The following CDK8 variants were observed in gnomAD, a reference collection of about 807,000 sequenced individuals.
CDK8 encodes the protein cyclin-dependent kinase 8.
In CDK8, 29 loss-of-function variants were observed where a neutral mutation model predicts 71.5. The observed-to-expected ratio is 0.41, with a 90% CI of 0.30 to 0.55. The LOEUF is 0.55. Among genes scored for constraint, CDK8 ranks in the 20% least tolerant of loss-of-function variants. The pLI, the probability that CDK8 is intolerant of heterozygous loss-of-function variation, is 0.37. For missense variants in CDK8, 288 were observed against 572.6 expected (o/e 0.50, Z 5.07); for synonymous variants, 161 against 192.1 (o/e 0.84, Z 1.34).
In CDK8 at chr13:26,403,999, C is replaced by T; in HGVS notation, c.1313C>T (p.Thr438Ile). 2 of 1,613,900 alleles carry T rather than the reference C, an allele frequency of 1.2e-6. No homozygotes were observed. The highest frequency in any genetic ancestry group is 1.7e-6 in the Non-Finnish European group (2 of 1,180,016). The change falls in exon 13 of 13, where the codon ACA becomes ATA. Residue 438 changes from threonine to isoleucine, a missense_variant. Physicochemically the swap from Thr to Ile is moderately conservative, Grantham distance 89. Around this residue, in one of 6 missense-constraint regions of CDK8, gnomAD observed 76 missense variants for 99.7 expected, o/e 0.76. Coordinates refer to ENST00000381527, the MANE Select transcript of CDK8 (RefSeq NM_001260.3). The stretch of plus-strand genomic sequence containing the variant: ...GCCTATCCCAACCCTGGACCAAGCA[C>T]ATCACAGCCGCAGAGCAGCATGGGA... ...HAAYPNPGPS[T>I]SQPQSSMGYS...
intron 1 of CDK8, among the ~76,000 whole-genome samples, chr13:26,258,836 AC>A (rs1871644805): frequency 6.6e-6 from 1 of 152,038 alleles, no homozygotes; most frequent in East Asian, 1.9e-4. Flanking sequence ...TCATGCTTTA[AC>A]GTTGGTTCTC....
At chr13:26,351,425 G>A (rs1873676082) in intron 3 of CDK8, among the ~76,000 whole-genome samples, 1 of 151,730 alleles carries the variant, frequency 6.6e-6, no homozygotes, top group Admixed American at 6.6e-5. Flanking sequence ...AAATCAGCGT[G>A]GCCAGTATTA....
chr13:26,347,076 G>A (rs1873490097), intron 2 of CDK8, among the ~76,000 whole-genome samples: 1 of 152,046 alleles, frequency 6.6e-6, no homozygotes, highest in African/African-American at 2.4e-5. Flanking sequence ...TTTTCTTGTT[G>A]TTGCAGTTGT....
chr13:26,386,322 T>C (rs1875473780), intron 6 of CDK8, among the ~76,000 whole-genome samples: 1 of 152,256 alleles, frequency 6.6e-6, no homozygotes, highest in Non-Finnish European at 1.5e-5. Context: ...CTGATTCTGC[T>C]TCATTCTCTT....
At chr13:26,258,790 AC>A (rs977691206) in intron 1 of CDK8, among the ~76,000 whole-genome samples, 9 of 152,154 alleles carry the variant, frequency 5.9e-5, no homozygotes. Flanking sequence ...AAAAAATTTT[AC>A]TTTAGATGAT....
intron 1 of CDK8, among the ~76,000 whole-genome samples, chr13:26,316,842 A>G (rs1310793894): frequency 6.6e-6 from 1 of 152,208 alleles, no homozygotes; most frequent in Non-Finnish European, 1.5e-5. Context: ...AAATTAACTC[A>G]TATTCCTTGA....
chr13:26,320,806 A>G (rs1175709), intron 1 of CDK8, among the ~76,000 whole-genome samples: 132,639 of 152,168 alleles, frequency 0.87, 58,399 homozygotes, highest in East Asian at 1. Context: ...AATACAAATC[A>G]AAACTACAGT....
At chr13:26,358,632 C>G (rs1166777592) in intron 4 of CDK8, among the ~76,000 whole-genome samples, 2 of 152,224 alleles carry the variant, frequency 1.3e-5, no homozygotes, top group Non-Finnish European at 2.9e-5. Context: ...AGCAGTTCCA[C>G]TTCTTGGTAT....
chr13:26,334,122 A>G (rs1022676306), intron 1 of CDK8, among the ~76,000 whole-genome samples: 1 of 152,174 alleles, frequency 6.6e-6, no homozygotes, highest in Admixed American at 6.5e-5. Flanking sequence ...TAAAAAACAT[A>G]TATTACTTGG....
chr13:26,306,135 T>G (rs902748042), intron 1 of CDK8, among the ~76,000 whole-genome samples: 5 of 152,224 alleles, frequency 3.3e-5, no homozygotes, highest in African/African-American at 1.2e-4. Context: ...GAAGCTGAAC[T>G]GCAGTCCCTA....
At chr13:26,366,794 A>G (rs1444005583) in intron 4 of CDK8, among the ~76,000 whole-genome samples, 2 of 152,202 alleles carry the variant, frequency 1.3e-5, no homozygotes, top group Non-Finnish European at 2.9e-5. Context: ...AGTTGGGAAG[A>G]TAGATTGCTA....
chr13:26,368,539 C>T (rs914766723), intron 4 of CDK8, among the ~76,000 whole-genome samples: 4 of 152,160 alleles, frequency 2.6e-5, no homozygotes, highest in African/African-American at 9.7e-5. Context: ...GGCTGAGACA[C>T]ATCTTGCTTT....
intron 1 of CDK8, among the ~76,000 whole-genome samples, chr13:26,255,731 C>G (rs947059464): frequency 2.0e-5 from 3 of 152,138 alleles, no homozygotes; most frequent in African/African-American, 4.8e-5. Flanking sequence ...ATTGAAAAGT[C>G]AAAGCTTATT....
intron 1 of CDK8, among the ~76,000 whole-genome samples, chr13:26,333,890 A>G (rs771425430): frequency 1.3e-5 from 2 of 152,182 alleles, no homozygotes; most frequent in African/African-American, 2.4e-5. Context: ...ACACTAGTGA[A>G]CAACTCTTTT....
chr13:26,278,831 T>TAGTTGTGTCCGTACTGA lies in CDK8; in HGVS notation c.128+24064_128+24080dup, dbSNP rs1250833137. Among the ~76,000 whole-genome samples, 1,098 of 152,308 alleles carry TAGTTGTGTCCGTACTGA rather than the reference T, an allele frequency of 7.2e-3. 15 individuals carry two copies. The highest frequency in any genetic ancestry group is 0.025 in the African/African-American group (1,054 of 41,552). Reference sequence around the variant, plus strand: ...CCAACCACAGATTGAAAGTGTTCTGTAGTTGTGTCCGTACTGAACAGTTAC... The same window carrying TAGTTGTGTCCGTACTGA: ...CCAACCACAGATTGAAAGTGTTCTGTAGTTGTGTCCGTACTGAAGTTGTGTCCGTACTGAACAGTTAC... On this transcript the variant is annotated intron_variant, in intron 1 of 12. Transcript: ENST00000381527.
chr13:26,382,527 A>G (rs991178027), intron 4 of CDK8, among the ~76,000 whole-genome samples: 2 of 152,204 alleles, frequency 1.3e-5, no homozygotes, highest in Non-Finnish European at 2.9e-5. Flanking sequence ...GAACCACAAC[A>G]TGACTTTGTG....
rs534988679 is a variant in CDK8 at position 26,263,159 on chromosome 13, G to A, written c.128+8390G>A. On this transcript the variant is annotated intron_variant, in intron 1 of 12. Transcript: ENST00000381527. Reference sequence around the variant, plus strand: ...TGTTTTTCGGTTTTTTTTTTGAGACGGAGTCTCGCTCTGTTGCCCAGGCTG... The same window carrying A: ...TGTTTTTCGGTTTTTTTTTTGAGACAGAGTCTCGCTCTGTTGCCCAGGCTG... 1.3e-3 allele frequency among the ~76,000 whole-genome samples: 193 copies of A among 151,648 alleles called. 1 individual carries two copies. Among genetic ancestry groups the A allele is most frequent in the African/African-American group, 4.5e-3 (185 of 41,370 alleles).
chr13:26,369,153 C>T (rs1020388971), intron 4 of CDK8, among the ~76,000 whole-genome samples: 2 of 151,766 alleles, frequency 1.3e-5, no homozygotes, highest in African/African-American at 4.8e-5. Flanking sequence ...AAAAGTCAGC[C>T]AGGGGCGGCA....
intron 1 of CDK8, among the ~76,000 whole-genome samples, chr13:26,305,153 A>G (rs1379121746): frequency 6.6e-6 from 1 of 152,164 alleles, no homozygotes; most frequent in African/African-American, 2.4e-5. Flanking sequence ...TTAGTGTGGT[A>G]CTGTCAACAA....
Sources: gnomAD v4.1 joint callset for allele counts (sites outside exome capture counted in the v4.1 genomes callset) on GRCh38, gnomAD v4.1.1 for gene constraint, gnomAD v4.1.1 regional missense constraint, MANE v1.5 for transcripts, NCBI Gene and HGNC (gene_info 2026-07-23, HGNC 2026-07-21) for gene names.